The following TMLHE variants were observed in gnomAD, a reference collection of about 807,000 sequenced individuals.
TMLHE encodes trimethyllysine hydroxylase, epsilon.
TMLHE carries 18 observed loss-of-function variants against 25.7 expected under a neutral mutation model. The observed-to-expected ratio is 0.70, with a 90% CI of 0.48 to 1.04. The LOEUF is 1.04. TMLHE is among the 50% of genes least tolerant of loss of function. The pLI, the probability that TMLHE is intolerant of heterozygous loss-of-function variation, is 0.00. For synonymous variants in TMLHE, 105 were observed against 97.0 expected, an observed-to-expected ratio of 1.08 and a Z score of -0.49; for missense variants, 236 against 259.0, an observed-to-expected ratio of 0.91 and a Z score of 0.61.
At chrX:155,547,309 T>C (rs2067355679) in intron 1 of TMLHE, among the ~76,000 whole-genome samples, 1 of 101,001 alleles carries the variant, frequency 9.9e-6, no homozygotes, top group African/African-American at 3.5e-5. Context: ...CACGCCCGGC[T>C]AATTTTTTGT....
chrX:155,505,653 T>G (rs2067071899), intron 6 of TMLHE, among the ~76,000 whole-genome samples: 1 of 111,394 alleles, frequency 9.0e-6, no homozygotes, highest in Non-Finnish European at 1.9e-5. Context: ...TCACCCCATA[T>G]CTCCTTCCCT....
At chrX:155,598,152 A>T (rs1263001204) in intron 1 of TMLHE, among the ~76,000 whole-genome samples, 7 of 112,027 alleles carry the variant, frequency 6.2e-5, no homozygotes, top group African/African-American at 2.3e-4. Flanking sequence ...TTAAAATTTT[A>T]AAATGACGAC....
chrX:155,511,580 G>A, intron 5 of TMLHE, 93 bp downstream of exon 5: 1 of 918,873 alleles, frequency 1.1e-6, no homozygotes. Flanking sequence ...GAGCAGATAT[G>A]ATCTTGGTTC....
chrX:155,510,399 C>CT (rs1156612208), intron 5 of TMLHE, among the ~76,000 whole-genome samples: 1 of 67,596 alleles, frequency 1.5e-5, no homozygotes, highest in Non-Finnish European at 2.7e-5. Context: ...TCCCTCCCCC[C>CT]TCCCCCCACC....
chrX:155,509,629 T>C (rs1308049323), intron 5 of TMLHE, among the ~76,000 whole-genome samples: 1 of 111,878 alleles, frequency 8.9e-6, no homozygotes, highest in Non-Finnish European at 1.9e-5. Flanking sequence ...TGCAGGGTTG[T>C]TGATCTCTCC....
At chrX:155,511,514 A>G (rs1264705043) in intron 5 of TMLHE, among the ~76,000 whole-genome samples, 159 bp downstream of exon 5, 3 of 110,939 alleles carry the variant, frequency 2.7e-5, no homozygotes, top group Non-Finnish European at 5.7e-5. Context: ...AACTGAGTTA[A>G]GGTATTTCAA....
At chrX:155,560,278 C>T (rs1011752480) in intron 1 of TMLHE, among the ~76,000 whole-genome samples, 2 of 110,657 alleles carry the variant, frequency 1.8e-5, no homozygotes, top group Non-Finnish European at 3.8e-5. Flanking sequence ...GAAACCTTCG[C>T]TGACACTCTT....
chrX:155,548,339 ACCACCCATCTGACAAGGG>A (rs2124419452), intron 1 of TMLHE, among the ~76,000 whole-genome samples: 1 of 112,210 alleles, frequency 8.9e-6, no homozygotes, highest in African/African-American at 3.2e-5. Context: ...TAATTTGCCA[ACCACCCATCTGACAAGGG>A]ATTAATAATC....
intron 1 of TMLHE, among the ~76,000 whole-genome samples, chrX:155,547,187 C>G (rs996613366): frequency 9.9e-6 from 1 of 101,014 alleles, no homozygotes; most frequent in Non-Finnish European, 2.0e-5. Flanking sequence ...CTCTGTCGCC[C>G]AGGCTGGAGT....
At chrX:155,583,602 C>T (rs2067646242) in intron 1 of TMLHE, among the ~76,000 whole-genome samples, 1 of 111,485 alleles carries the variant, frequency 9.0e-6, no homozygotes. Context: ...AAATGTAGTA[C>T]ATATGCAAAA....
chrX:155,548,796 A>G (rs1262202482), intron 1 of TMLHE, among the ~76,000 whole-genome samples: 2 of 110,636 alleles, frequency 1.8e-5, no homozygotes, highest in Non-Finnish European at 3.8e-5. Flanking sequence ...AGCAAATAGT[A>G]TGAACAGACA....
At chrX:155,512,446 A>G (rs782679928) in intron 4 of TMLHE, among the ~76,000 whole-genome samples, 7 of 107,867 alleles carry the variant, frequency 6.5e-5, no homozygotes, top group Non-Finnish European at 1.1e-4. Context: ...GCGATAGTTT[A>G]CTGAGAATGA....
Position 155,572,390 on chromosome X carries a change from C to T in TMLHE, c.-1-27113G>A, listed in dbSNP as rs374079390. On this transcript the variant is annotated intron_variant, in intron 1 of 7. Transcript: ENST00000334398. ...GCTCATGGGTAGGAAGAATCAATAT[C>T]GTGAAAATGGCCATACTGCCCAAGG... Among the ~76,000 whole-genome samples, 38 of 55,166 alleles carry T rather than the reference C, an allele frequency of 6.9e-4. 8 individuals carry two copies. The highest frequency in any genetic ancestry group is 2.3e-3 in the East Asian group (3 of 1,333). 47.9% of individuals were successfully genotyped at this position (55,166 alleles called of 115,157 possible). A position where few individuals can be genotyped will look rare whatever the true frequency, so the allele number is the denominator to read the frequency against.
chrX:155,510,955 G>A (rs1351625191), intron 5 of TMLHE, among the ~76,000 whole-genome samples: 3 of 110,002 alleles, frequency 2.7e-5, no homozygotes, highest in African/African-American at 9.8e-5. Flanking sequence ...ACTGGTGTGA[G>A]ATGGTATCTC....
In TMLHE at chrX:155,514,144, G is replaced by A; in HGVS notation, c.480C>T (p.Ala160=). ...TCTGGCAATCTACCGATGGAACTTG[G>A]GCTTGCTGGTAGATTTCAGCATTCC... The part of the protein sequence containing the change: ...ILWNAEIYQQ[A]QVPSVDCQSF... The change falls in exon 4 of 8, where the codon GCC becomes GCT. Residue 160 remains alanine, a synonymous_variant. Transcript: ENST00000334398. 4.1e-6 allele frequency: 5 copies of A among 1,210,906 alleles called. No homozygotes were observed. The highest frequency in any genetic ancestry group is 1.8e-5 in the South Asian group (1 of 56,956).
intron 1 of TMLHE, among the ~76,000 whole-genome samples, chrX:155,555,522 C>T (rs1223361843): frequency 9.0e-6 from 1 of 110,671 alleles, no homozygotes; most frequent in Non-Finnish European, 1.9e-5. Context: ...TATTTCTCCA[C>T]ATCCTCTCCA....
chrX:155,510,312 A>ATATG (rs1310370350), intron 5 of TMLHE, among the ~76,000 whole-genome samples: 17 of 105,884 alleles, frequency 1.6e-4, no homozygotes, highest in Non-Finnish European at 2.3e-4. Flanking sequence ...GGTTTGTTAC[A>ATATG]TATGTATACA....
At chrX:155,559,826 A>C (rs1409839037) in intron 1 of TMLHE, among the ~76,000 whole-genome samples, 2 of 111,995 alleles carry the variant, frequency 1.8e-5, no homozygotes, top group African/African-American at 6.5e-5. Flanking sequence ...CCTTGCCTTC[A>C]GTCCATCCAT....
At chrX:155,526,837 T>C (rs1404156700) in intron 2 of TMLHE, among the ~76,000 whole-genome samples, 3 of 113,156 alleles carry the variant, frequency 2.7e-5, no homozygotes, top group African/African-American at 6.4e-5. Context: ...CTGTTGGGTT[T>C]TGAACTTGCA....
Sources: gnomAD v4.1 joint callset for allele counts (sites outside exome capture counted in the v4.1 genomes callset) on GRCh38, gnomAD v4.1.1 for gene constraint, MANE v1.5 for transcripts, NCBI Gene and HGNC (gene_info 2026-07-23, HGNC 2026-07-21) for gene names.